The following PKD1 variants were observed in gnomAD, a reference collection of about 807,000 sequenced individuals.
PKD1 encodes the protein polycystin-1.
In PKD1, 81 loss-of-function variants were observed where a neutral mutation model predicts 361.7. The ratio of observed to expected loss-of-function variants is 0.22; its 90% CI spans 0.19 to 0.27. PKD1 has a LOEUF of 0.27. Ranked by LOEUF, PKD1 falls within the 10% of genes least tolerant of loss-of-function variation. The probability of loss-of-function intolerance (pLI) is 1.00; values close to 1 mark genes in which losing one functional copy is unlikely to be tolerated. For missense variants in PKD1, 6,399 were observed against 6,118.3 expected (o/e 1.05, Z -1.53); for synonymous variants, 3,615 against 2,818.3 (o/e 1.28, Z -8.95).
chr16:2,105,839 G>C (rs1429437174), intron 20 of PKD1, 26 bp downstream of exon 20: 2 of 1,592,176 alleles, frequency 1.3e-6, no homozygotes. Context: ...CAGCAGATGT[G>C]ACGTCCCCTC....
At position 2,108,953 on chromosome 16, in the gene PKD1, A is replaced by C. The variant is rs750718256; in HGVS notation, c.6214T>G (p.Phe2072Val). 30 of 1,607,804 alleles carry C rather than the reference A, an allele frequency of 1.9e-5. No individual in the cohort carries two copies. The highest frequency in any genetic ancestry group is 2.4e-5 in the Non-Finnish European group (28 of 1,178,490). ...TCAAACTGCGCCGAGCGGTTGGTGA[A>C]GCAGGGGCCGCTCTGCAGGGCCACA... ...QYVALQSGPCFTNRSAQFEAA... is the reference protein window; with the variant it reads ...QYVALQSGPCVTNRSAQFEAA... The change falls in exon 15 of 46, where the codon TTC becomes GTC. Residue 2072 changes from phenylalanine (F) to valine (V), a missense_variant. By Grantham distance (50) the Phe-to-Val change is conservative (BLOSUM62 -1). Coordinates refer to ENST00000262304, the MANE Select transcript of PKD1 (RefSeq NM_001009944.3).
chr16:2,126,021 A>C (rs2092795670), intron 1 of PKD1, among the ~76,000 whole-genome samples: 1 of 152,016 alleles, frequency 6.6e-6, no homozygotes, highest in East Asian at 1.9e-4. Context: ...GGGGGCAAGC[A>C]AACTGGCCAT....
Position 2,111,926 on chromosome 16 carries a change from C to T in PKD1, c.3296-55G>A, listed in dbSNP as rs1190880340. 18 of 1,593,674 alleles carry T rather than the reference C, an allele frequency of 1.1e-5. No homozygotes were observed. The East Asian group carries it at 2.0e-4, about 18-fold the overall frequency. ...GCGGCACCCCCACCTGCTCCCCACCCGCTCGGCAGAAGCCCCCCGCCTGAG... is the reference window on the plus strand; with the variant it reads ...GCGGCACCCCCACCTGCTCCCCACCTGCTCGGCAGAAGCCCCCCGCCTGAG... On this transcript the variant is annotated intron_variant, in intron 14 of 45. Coordinates refer to ENST00000262304, the MANE Select transcript of PKD1 (RefSeq NM_001009944.3).
chr16:2,111,451 T>G lies in PKD1; in HGVS notation c.3716A>C (p.Asp1239Ala), dbSNP rs1483486915. ...CATGTCGAAGGTCCACGTGATGTTG[T>G]CGCCCGTCTGCACCGCGGCGCTGAC... ...VVVSAAVQTGDNITWTFDMGD... is the reference protein window; with the variant it reads ...VVVSAAVQTGANITWTFDMGD... Residue 1239 changes from aspartate to alanine, a missense_variant, in exon 15 of 46, where the codon GAC (aspartate) becomes GCC (alanine). Coordinates refer to ENST00000262304, the MANE Select transcript of PKD1 (RefSeq NM_001009944.3). The G allele has an allele frequency of 6.2e-7, 1 of 1,611,890 alleles. No individual in the cohort carries two copies. The highest frequency in any genetic ancestry group is 1.1e-5 in the South Asian group (1 of 91,042).
At chr16:2,092,450 TAA>T (rs762032028) in intron 39 of PKD1, 28 bp downstream of exon 39, 2 of 1,432,366 alleles carry the variant, frequency 1.4e-6, no homozygotes, top group South Asian at 2.3e-5. Flanking sequence ...AGGAACGATT[TAA>T]GTCTTGGGGC....
In PKD1 at chr16:2,090,755, T is replaced by G; in HGVS notation, c.12057A>C (p.Leu4019Phe). 2 of 1,612,550 alleles carry G rather than the reference T, an allele frequency of 1.2e-6. No homozygotes were observed. The highest frequency in any genetic ancestry group is 2.2e-5 in the South Asian group (2 of 91,084). Residue 4019 changes from leucine (L) to phenylalanine (F), a missense_variant, in exon 44 of 46, where the codon TTA (leucine) becomes TTC (phenylalanine). Leu to Phe is a conservative substitution (Grantham distance 22). Transcript: ENST00000262304. The part of the protein sequence containing the change: ...VRQWSVFGKT[L>F]CRALPELLGV... ...CCAGGAGCTCTGGCAGAGCTCGGCATAATGTCTTGCCAAAGACGGACCACT... is the reference window on the plus strand; with the variant it reads ...CCAGGAGCTCTGGCAGAGCTCGGCAGAATGTCTTGCCAAAGACGGACCACT...
intron 1 of PKD1, among the ~76,000 whole-genome samples, chr16:2,132,958 G>C (rs1401224730): frequency 6.6e-6 from 1 of 151,156 alleles, no homozygotes; most frequent in East Asian, 2.0e-4. Flanking sequence ...GTGCACGCCT[G>C]TAATCCCAGC....
At chr16:2,101,173 G>C (rs1365180146) in intron 26 of PKD1, among the ~76,000 whole-genome samples, 1 of 152,066 alleles carries the variant, frequency 6.6e-6, no homozygotes, top group Non-Finnish European at 1.5e-5. Context: ...CTTTTTATTA[G>C]AGACAGGGTT....
chr16:2,115,797 C>G (rs1472742493), intron 9 of PKD1, among the ~76,000 whole-genome samples, 172 bp from the exon 10 acceptor site: 1 of 152,186 alleles, frequency 6.6e-6, no homozygotes, highest in Non-Finnish European at 1.5e-5. Context: ...TGACCCAGGC[C>G]GGCCCCCAGG....
In PKD1 at chr16:2,105,995, T is replaced by A; in HGVS notation, c.7733A>T (p.Asn2578Ile). 1 of 1,604,306 alleles carries A rather than the reference T, an allele frequency of 6.2e-7. No homozygotes were observed. Among genetic ancestry groups the A allele is most frequent in the Non-Finnish European group, 8.5e-7 (1 of 1,179,606 alleles). ...RSLAITLPEP[N>I]GSATGLTVWL... ...GACTGTGAGCCCCGTTGCGCTGCCG[T>A]TGGGCTCTGGGAGGGTGATGGCCAA... The change falls in exon 20 of 46, where the codon AAC (asparagine) becomes ATC (isoleucine). Residue 2578 changes from asparagine to isoleucine, a missense_variant. Asn to Ile is a moderately radical substitution (Grantham distance 149). Coordinates refer to ENST00000262304, the MANE Select transcript of PKD1 (RefSeq NM_001009944.3).
At chr16:2,112,023 G>A (rs2092523781) in intron 14 of PKD1, 152 bp from the exon 15 acceptor site, 23 of 838,120 alleles carry the variant, frequency 2.7e-5, no homozygotes, top group East Asian at 5.3e-5. Flanking sequence ...CGTGCGGGAC[G>A]GAGCACAGGT....
chr16:2,126,553 C>G (rs1028080957), intron 1 of PKD1, among the ~76,000 whole-genome samples: 1 of 152,280 alleles, frequency 6.6e-6, no homozygotes, highest in South Asian at 2.1e-4. Context: ...AGGGCGTGAG[C>G]TGCATTTTCC....
At chr16:2,093,132 G>A (rs749154501) in intron 37 of PKD1, 39 bp from the exon 38 acceptor site, 13 of 1,610,250 alleles carry the variant, frequency 8.1e-6, no homozygotes, top group African/African-American at 8.0e-5. Flanking sequence ...CCTGGCCCCA[G>A]CCCACAGTGA....
Position 2,106,078 on chromosome 16 carries a change from C to T in PKD1, c.7703+13G>A, listed in dbSNP as rs746088469. 8.7e-6 allele frequency: 14 copies of T among 1,604,030 alleles called. No individual in the cohort carries two copies. Among genetic ancestry groups the T allele is most frequent in the East Asian group, 6.7e-5 (3 of 44,726 alleles). ...TGGCAGTCTCGGGGGCGCCCTCCCA[C>T]GGCCTGGCTCACCTGTTGAGGGCGA... On this transcript the variant is annotated intron_variant, in intron 19 of 45. Coordinates refer to ENST00000262304, the MANE Select transcript of PKD1 (RefSeq NM_001009944.3). This position sits in a 1 kb window ranked among gnomAD's most constrained non-coding sequence, Gnocchi z 6.5.
At position 2,106,324 on chromosome 16, in the gene PKD1, G is replaced by A. The variant is rs750364958; in HGVS notation, c.7490-20C>T. 3 of 1,605,058 alleles carry A rather than the reference G, an allele frequency of 1.9e-6. No individual in the cohort carries two copies. Among genetic ancestry groups the A allele is most frequent in the East Asian group, 4.5e-5 (2 of 44,764 alleles). ...GCCAGCCTGAGGGACGGTCCCCACG[G>A]CATCACGGGAGGGCTCCGTGACGTC... On this transcript the variant is annotated intron_variant, in intron 18 of 45. Coordinates refer to ENST00000262304, the MANE Select transcript of PKD1 (RefSeq NM_001009944.3). The surrounding 1 kb of genome is among the most constrained non-coding windows in gnomAD (Gnocchi z 6.5).
intron 24 of PKD1, 48 bp downstream of exon 24, chr16:2,102,766 A>T: frequency 3.1e-6 from 5 of 1,608,150 alleles, no homozygotes; most frequent in Non-Finnish European, 4.2e-6. Flanking sequence ...GGCAATGCTG[A>T]CCCATGATGC....
Position 2,111,654 on chromosome 16 carries a change from G to A in PKD1, c.3513C>T (p.Thr1171=), listed in dbSNP as rs143784787. ...WDFGDGSPVL[T]QSQPAANHTY... ...TGTGGTTGGCAGCCGGCTGGCTCTG[G>A]GTCAGGACAGGGGAGCCGTCCCCGA... The change falls in exon 15 of 46, where the codon ACC becomes ACT. Residue 1171 remains threonine, a synonymous_variant. Coordinates refer to ENST00000262304, the MANE Select transcript of PKD1 (RefSeq NM_001009944.3). The A allele has an allele frequency of 1.3e-6, 2 of 1,573,874 alleles. No homozygotes were observed. Among genetic ancestry groups the A allele is most frequent in the South Asian group, 2.3e-5 (2 of 86,632 alleles).
chr16:2,116,694 A>G (rs2092642823), intron 7 of PKD1, 50 bp from the exon 8 acceptor site: 13 of 1,229,712 alleles, frequency 1.1e-5, no homozygotes, highest in Non-Finnish European at 1.0e-5. Context: ...CCAGGACACC[A>G]GGACGAACAG....
At chr16:2,102,321 C>T (rs1404295246) in intron 25 of PKD1, 60 bp downstream of exon 25, 14 of 1,509,972 alleles carry the variant, frequency 9.3e-6, no homozygotes, top group Middle Eastern at 2.3e-4. Context: ...AGGATAGAGC[C>T]GAGCCCACCC....
Sources: allele counts gnomAD v4.1 joint callset (sites outside exome capture counted in the v4.1 genomes callset), GRCh38; gene constraint gnomAD v4.1.1; non-coding constraint Gnocchi (gnomAD v3.1); transcripts MANE v1.5; gene names NCBI Gene and HGNC (gene_info 2026-07-23, HGNC 2026-07-21).